The following ROBO1 variants were observed in gnomAD, a reference collection of about 807,000 sequenced individuals.
ROBO1 encodes the protein roundabout guidance receptor 1.
Under a neutral mutation model 195.9 loss-of-function variants are expected in ROBO1, and 149 were observed. The observed-to-expected ratio is 0.76, with a 90% CI of 0.67 to 0.87. The LOEUF (loss-of-function observed/expected upper bound fraction) is 0.87. Among genes scored for constraint, ROBO1 ranks in the 40% least tolerant of loss-of-function variants. The probability of loss-of-function intolerance (pLI) is 0.00; values close to 1 mark genes in which losing one functional copy is unlikely to be tolerated. For synonymous variants in ROBO1, 816 were observed against 733.2 expected, an observed-to-expected ratio of 1.11 and a Z score of -1.82; for missense variants, 1,933 against 2,068.3, an observed-to-expected ratio of 0.93 and a Z score of 1.27.
intron 8 of ROBO1, among the ~76,000 whole-genome samples, chr3:78,696,845 A>T (rs2107904847): frequency 6.6e-6 from 1 of 151,798 alleles, no homozygotes; most frequent in Non-Finnish European, 1.5e-5. Flanking sequence ...GGAAACTAAC[A>T]GGTGATAACA....
At chr3:79,092,795 T>C (rs2108492535) in intron 3 of ROBO1, among the ~76,000 whole-genome samples, 1 of 152,226 alleles carries the variant, frequency 6.6e-6, no homozygotes, top group Non-Finnish European at 1.5e-5. Flanking sequence ...ACCCAGGATA[T>C]TTGAAACCCA....
intron 2 of ROBO1, among the ~76,000 whole-genome samples, chr3:79,214,322 T>G (rs770684643): frequency 2.0e-5 from 3 of 152,170 alleles, no homozygotes; most frequent in Admixed American, 2.0e-4. Flanking sequence ...TGTAGAAGTA[T>G]GAATTCCCAA....
intron 2 of ROBO1, among the ~76,000 whole-genome samples, chr3:79,557,743 AATAT>A (rs1304293113): frequency 3.1e-5 from 4 of 130,818 alleles, no homozygotes; most frequent in Non-Finnish European, 4.8e-5. Flanking sequence ...AACAAAAAAA[AATAT>A]ATATATATAT....
At chr3:79,690,802 A>G (rs574766132) in intron 1 of ROBO1, among the ~76,000 whole-genome samples, 1 of 152,018 alleles carries the variant, frequency 6.6e-6, no homozygotes, top group African/African-American at 2.4e-5. Context: ...GACAGATCTC[A>G]GGTGCTCCAT....
intron 3 of ROBO1, among the ~76,000 whole-genome samples, chr3:79,115,143 G>C (rs946586106): frequency 1.1e-4 from 16 of 152,104 alleles, no homozygotes; most frequent in Admixed American, 2.6e-4. Context: ...TCATGAACTG[G>C]GTGATGGTTG....
intron 1 of ROBO1, among the ~76,000 whole-genome samples, chr3:79,717,682 G>C (rs1352800473): frequency 6.6e-6 from 1 of 151,908 alleles, no homozygotes; most frequent in Non-Finnish European, 1.5e-5. Flanking sequence ...CTGCTATTTT[G>C]TGCATGTTAT....
At chr3:79,189,134 A>C (rs1373794412) in intron 2 of ROBO1, among the ~76,000 whole-genome samples, 1 of 151,864 alleles carries the variant, frequency 6.6e-6, no homozygotes, top group Non-Finnish European at 1.5e-5. Context: ...GAATACACTA[A>C]GTAATTCACT....
At chr3:78,897,705 T>C (rs1357544388) in intron 4 of ROBO1, among the ~76,000 whole-genome samples, 2 of 152,104 alleles carry the variant, frequency 1.3e-5, no homozygotes, top group Non-Finnish European at 2.9e-5. Flanking sequence ...GGAATCAACA[T>C]TTATAACATT....
intron 2 of ROBO1, among the ~76,000 whole-genome samples, chr3:79,167,413 T>A (rs370451544): frequency 1.3e-5 from 2 of 152,190 alleles, no homozygotes; most frequent in South Asian, 4.1e-4. Context: ...CACATTGTAT[T>A]TTTGTCATGA....
chr3:79,111,540 C>T (rs1231508070), intron 3 of ROBO1, among the ~76,000 whole-genome samples: 1 of 152,080 alleles, frequency 6.6e-6, no homozygotes, highest in Non-Finnish European at 1.5e-5. Context: ...TATCCCATTC[C>T]ATCGCTGCTC....
At position 79,584,610 on chromosome 3, in the gene ROBO1, AGTGTGTGTGT is replaced by A. The variant is rs143360306; in HGVS notation, c.88+5204_88+5213del. 8.3e-3 allele frequency among the ~76,000 whole-genome samples: 1,091 copies of A among 131,768 alleles called. 5 individuals carry two copies. The highest frequency in any genetic ancestry group is 0.013 in the Non-Finnish European group (809 of 62,870). 86.4% of individuals were successfully genotyped at this position (131,768 alleles called of 152,430 possible). A position where few individuals can be genotyped will look rare whatever the true frequency, so the allele number is the denominator to read the frequency against. On this transcript the variant is annotated intron_variant, in intron 2 of 30. Coordinates refer to ENST00000464233, the MANE Select transcript of ROBO1 (RefSeq NM_002941.4). ...GACCTCCATGATTTGTAGGTGGGTG[AGTGTGTGTGT>A]GTGTGTGTGTGTGTGTGTATGTTCA...
intron 2 of ROBO1, among the ~76,000 whole-genome samples, chr3:79,572,171 A>C (rs57641411): frequency 0.091 from 13,832 of 152,022 alleles, 650 homozygotes; most frequent in Middle Eastern, 0.15. Flanking sequence ...ATAAAAGAAA[A>C]ATTTATTTAC....
chr3:78,719,970 T>G (rs2082002437), intron 5 of ROBO1, among the ~76,000 whole-genome samples: 1 of 152,194 alleles, frequency 6.6e-6, no homozygotes, highest in Non-Finnish European at 1.5e-5. Flanking sequence ...AATATATCAT[T>G]TAAATTTTTG....
intron 2 of ROBO1, among the ~76,000 whole-genome samples, chr3:79,589,025 A>G (rs1943915314): frequency 6.6e-6 from 1 of 151,694 alleles, no homozygotes; most frequent in Non-Finnish European, 1.5e-5. Context: ...ATAAATACAG[A>G]CAAAGTTTCA....
In ROBO1 at chr3:79,091,599, C is replaced by T. The variant is rs114149263; in HGVS notation, c.172+33857G>A. Among the ~76,000 whole-genome samples the T allele has an allele frequency of 8.6e-3, 1,303 of 151,740 alleles. 19 individuals are homozygous for T. Among genetic ancestry groups the T allele is most frequent in the African/African-American group, 0.03 (1,222 of 41,340 alleles). On this transcript the variant is annotated intron_variant, in intron 3 of 30. Coordinates refer to ENST00000464233, the MANE Select transcript of ROBO1 (RefSeq NM_002941.4). ...ATTTTAATAGGGAGACAGAAACAAGCGAAAGAAAAATAGTATGCTATACAG... is the reference window on the plus strand; with the variant it reads ...ATTTTAATAGGGAGACAGAAACAAGTGAAAGAAAAATAGTATGCTATACAG...
intron 4 of ROBO1, among the ~76,000 whole-genome samples, chr3:78,884,648 A>AAGGAAGG (rs2036413307): frequency 1.3e-4 from 14 of 107,522 alleles, no homozygotes; most frequent in East Asian, 5.6e-4. Flanking sequence ...AGAAAGAAAG[A>AAGGAAGG]AAGGAAGGAA....
At chr3:79,499,690 T>C (rs1939951759) in intron 2 of ROBO1, among the ~76,000 whole-genome samples, 1 of 152,232 alleles carries the variant, frequency 6.6e-6, no homozygotes, top group Non-Finnish European at 1.5e-5. Flanking sequence ...AATGTGAGTT[T>C]TGTCATTGGA....
rs377059881 is a variant in ROBO1 at position 78,655,347 on chromosome 3, C to T, written c.2614+1751G>A. Among the ~76,000 whole-genome samples the T allele has an allele frequency of 9.7e-4, 148 of 152,274 alleles. 2 individuals carry two copies. The South Asian group carries it at 0.03, about 31-fold the overall frequency. ...GTTTTGAGGTTACCCCATTCATTTG[C>T]TTGCAGTCACACTGGGAGTAGTGAT... On this transcript the variant is annotated intron_variant, in intron 18 of 30. Coordinates refer to ENST00000464233, the MANE Select transcript of ROBO1 (RefSeq NM_002941.4).
intron 4 of ROBO1, among the ~76,000 whole-genome samples, chr3:78,915,274 T>C (rs1023725924): frequency 1.3e-5 from 2 of 152,038 alleles, no homozygotes; most frequent in African/African-American, 4.8e-5. Context: ...TCAAAAAGAG[T>C]TTCCTAATTC....
Sources: allele counts gnomAD v4.1 joint callset (sites outside exome capture counted in the v4.1 genomes callset), GRCh38; gene constraint gnomAD v4.1.1; transcripts MANE v1.5; gene names NCBI Gene and HGNC (gene_info 2026-07-23, HGNC 2026-07-21).